SEMA3A: variants seen among roughly 807,000 people sequenced by gnomAD.
SEMA3A encodes the protein semaphorin 3A.
SEMA3A carries 29 observed loss-of-function variants against 97.9 expected under a neutral mutation model. The observed-to-expected ratio is 0.30, with a 90% CI of 0.22 to 0.40. The LOEUF is 0.40. SEMA3A is among the 10% of genes least tolerant of loss of function. The probability of loss-of-function intolerance (pLI) is 1.00; values close to 1 mark genes in which losing one functional copy is unlikely to be tolerated. For missense variants in SEMA3A, 763 were observed against 951.3 expected, an observed-to-expected ratio of 0.80 and a Z score of 2.60; for synonymous variants, 321 against 323.7, an observed-to-expected ratio of 0.99 and a Z score of 0.09.
At chr7:84,474,069 C>CT (rs1806218820) in intron 1 of SEMA3A, among the ~76,000 whole-genome samples, 1 of 152,152 alleles carries the variant, frequency 6.6e-6, no homozygotes, top group Non-Finnish European at 1.5e-5. Flanking sequence ...AATCCTAACT[C>CT]TTTCAATTTT....
chr7:84,383,172 G>A (rs1484277194), intron 1 of SEMA3A, among the ~76,000 whole-genome samples: 1 of 151,948 alleles, frequency 6.6e-6, no homozygotes, highest in Non-Finnish European at 1.5e-5. Flanking sequence ...TAATGAACTG[G>A]AGAAAACCAA....
intron 4 of SEMA3A, among the ~76,000 whole-genome samples, chr7:84,102,267 CT>C (rs1442970289): frequency 6.6e-6 from 1 of 152,170 alleles, no homozygotes; most frequent in Non-Finnish European, 1.5e-5. Context: ...TTAAAGTGTG[CT>C]TTTCTACTTA....
At chr7:84,387,505 T>C (rs1450377390) in intron 1 of SEMA3A, among the ~76,000 whole-genome samples, 1 of 152,116 alleles carries the variant, frequency 6.6e-6, no homozygotes, top group African/African-American at 2.4e-5. Flanking sequence ...TTTAATTTTG[T>C]TTTGGACAAA....
At chr7:84,216,477 A>G in intron 3 of SEMA3A, among the ~76,000 whole-genome samples, 1 of 152,172 alleles carries the variant, frequency 6.6e-6, no homozygotes, top group African/African-American at 2.4e-5. Context: ...TCTATGGTGA[A>G]TATTTTTTAA....
intron 3 of SEMA3A, among the ~76,000 whole-genome samples, chr7:84,244,886 C>A (rs2115580141): frequency 6.6e-6 from 1 of 152,170 alleles, no homozygotes; most frequent in Non-Finnish European, 1.5e-5. Flanking sequence ...GTTGAAAATT[C>A]TTTGCTTCAA....
chr7:84,221,566 A>G (rs553031285), intron 3 of SEMA3A, among the ~76,000 whole-genome samples: 3 of 152,236 alleles, frequency 2.0e-5, no homozygotes, highest in African/African-American at 7.2e-5. Flanking sequence ...GAACTCTTAG[A>G]AGCCAATGTA....
chr7:84,124,038 A>T (rs1795714851), intron 3 of SEMA3A, among the ~76,000 whole-genome samples: 1 of 152,128 alleles, frequency 6.6e-6, no homozygotes, highest in African/African-American at 2.4e-5. Context: ...TTTCTGTATG[A>T]TACCATACTC....
In SEMA3A at chr7:84,431,190, C is replaced by A. The variant is rs142049984; in HGVS notation, c.-245-59290G>T. On this transcript the variant is annotated intron_variant, in intron 1 of 3. Transcript: ENST00000424555. ...TAATCTGGCTGCTGTAAATATTTTA[C>A]ACAAAGGGCAGCCCTAATGAAAACA... 1.6e-4 allele frequency among the ~76,000 whole-genome samples: 24 copies of A among 152,060 alleles called. No homozygotes were observed. In the East Asian group the frequency reaches 4.2e-3, roughly 27 times the overall value.
intron 1 of SEMA3A, among the ~76,000 whole-genome samples, chr7:84,173,284 G>T (rs769756533): frequency 6.6e-6 from 1 of 151,930 alleles, no homozygotes; most frequent in Non-Finnish European, 1.5e-5. Context: ...GGCCAGGCGC[G>T]GTGGCTCACG....
In SEMA3A at chr7:84,193,920, AG is replaced by A. The variant is rs1798128670; in HGVS notation, c.112+554del. ...AAATACAGTCTTTTGTACAATCATAAGGCACTGTGGAAAAACTAGTCTGTTC... is the reference window on the plus strand; with the variant it reads ...AAATACAGTCTTTTGTACAATCATAAGCACTGTGGAAAAACTAGTCTGTTC... On this transcript the variant is annotated intron_variant, in intron 1 of 16. Coordinates refer to ENST00000265362, the MANE Select transcript of SEMA3A (RefSeq NM_006080.3). Among the ~76,000 whole-genome samples the A allele has an allele frequency of 9.9e-5, 15 of 152,262 alleles. 1 individual carries two copies. In the South Asian group the frequency reaches 2.7e-3, roughly 27 times the overall value.
At chr7:84,337,150 T>G (rs1022483543) in intron 2 of SEMA3A, among the ~76,000 whole-genome samples, 1 of 152,164 alleles carries the variant, frequency 6.6e-6, no homozygotes, top group African/African-American at 2.4e-5. Context: ...ATATGAGGAT[T>G]AACATGAAGA....
chr7:84,310,334 C>T (rs1801281629), intron 2 of SEMA3A, among the ~76,000 whole-genome samples: 1 of 150,802 alleles, frequency 6.6e-6, no homozygotes, highest in East Asian at 1.9e-4. Flanking sequence ...AAGCAGGTAC[C>T]GGCAGATACA....
chr7:84,174,679 G>T, intron 1 of SEMA3A, among the ~76,000 whole-genome samples: 1 of 152,210 alleles, frequency 6.6e-6, no homozygotes, highest in African/African-American at 2.4e-5. Context: ...CAAAAACAAT[G>T]AAAGTTTTTA....
Position 84,007,510 on chromosome 7 carries a change from G to A in SEMA3A, c.996-13C>T, listed in dbSNP as rs1362864413. ...CTTGAAAATGTTACTGAACAAGACAGCAAGAATAAAAACAGAAGTTCATCT... is the reference window on the plus strand; with the variant it reads ...CTTGAAAATGTTACTGAACAAGACAACAAGAATAAAAACAGAAGTTCATCT... On this transcript the variant is annotated splice_polypyrimidine_tract_variant and intron_variant, in intron 9 of 16. Coordinates refer to ENST00000265362, the MANE Select transcript of SEMA3A (RefSeq NM_006080.3). 2 of 1,510,242 alleles carry A rather than the reference G, an allele frequency of 1.3e-6. No homozygotes were observed. Among genetic ancestry groups the A allele is most frequent in the Admixed American group, 2.1e-5 (1 of 48,370 alleles). The allele number at this position is 1,510,242 out of a possible 1,614,324, so 93.6% of individuals were successfully genotyped here. A position where few individuals can be genotyped will look rare whatever the true frequency, so the allele number is the denominator to read the frequency against.
chr7:84,112,768 TATC>T (rs1386314399), intron 3 of SEMA3A, among the ~76,000 whole-genome samples: 2 of 152,204 alleles, frequency 1.3e-5, no homozygotes, highest in East Asian at 3.8e-4. Context: ...CTCCACTGAA[TATC>T]ATAATTTTAA....
chr7:84,445,702 T>C lies in SEMA3A; in HGVS notation c.-246+46758A>G, dbSNP rs190052141. 8.4e-4 allele frequency among the ~76,000 whole-genome samples: 128 copies of C among 151,658 alleles called. 1 individual carries two copies. The highest frequency in any genetic ancestry group is 3.4e-3 in the Middle Eastern group (1 of 294). On this transcript the variant is annotated intron_variant, in intron 1 of 3. Coordinates refer to the SEMA3A transcript ENST00000424555. ...CAAAAATACTATAAGCTGAAACTCA[T>C]GGTGCATAGTGATAATAGTGCTAAA... is the stretch of plus-strand genomic sequence containing the variant.
chr7:84,381,747 C>T (rs1489926687), intron 1 of SEMA3A, among the ~76,000 whole-genome samples: 2 of 152,082 alleles, frequency 1.3e-5, no homozygotes, highest in Non-Finnish European at 2.9e-5. Flanking sequence ...ATAGAAGAGA[C>T]TAAGAACAAC....
chr7:84,211,508 C>T (rs893519667), intron 3 of SEMA3A, among the ~76,000 whole-genome samples: 3 of 151,518 alleles, frequency 2.0e-5, no homozygotes, highest in Non-Finnish European at 4.4e-5. Flanking sequence ...GTAATCCCAG[C>T]TACTCGGGAG....
chr7:84,176,960 C>A (rs1349992083), intron 1 of SEMA3A, among the ~76,000 whole-genome samples: 1 of 152,110 alleles, frequency 6.6e-6, no homozygotes, highest in Non-Finnish European at 1.5e-5. Flanking sequence ...TAAAATTAGA[C>A]TACTTTAGTG....
Sources: gnomAD v4.1 joint callset for allele counts (sites outside exome capture counted in the v4.1 genomes callset) on GRCh38, gnomAD v4.1.1 for gene constraint, MANE v1.5 for transcripts, NCBI Gene and HGNC (gene_info 2026-07-23, HGNC 2026-07-21) for gene names.